The following QSOX1 variants were observed in gnomAD, a reference collection of about 807,000 sequenced individuals.
QSOX1 encodes the protein sulfhydryl oxidase 1.
A neutral mutation model predicts 76.1 loss-of-function variants in QSOX1; 40 were observed. The observed-to-expected ratio is 0.53, with a 90% confidence interval of 0.41 to 0.68. The LOEUF (loss-of-function observed/expected upper bound fraction) is 0.68, where lower values mean the gene tolerates loss of function less well. Among genes scored for constraint, QSOX1 ranks in the 30% least tolerant of loss-of-function variants. QSOX1 has a pLI of 0.00. For missense variants in QSOX1, 931 were observed against 974.3 expected, an observed-to-expected ratio of 0.96 and a Z score of 0.59; for synonymous variants, 392 against 413.1, an observed-to-expected ratio of 0.95 and a Z score of 0.62.
chr1:180,198,522 T>A lies in QSOX1; in HGVS notation c.*1485T>A. ...ATCCGATTTGGTTTTCTCTTTGACA[T>A]CTTCACTCTGCTCAGATGGCCTGGG... On this transcript the variant is annotated 3_prime_UTR_variant, in exon 12 of 12. Coordinates refer to ENST00000367602, the MANE Select transcript of QSOX1 (RefSeq NM_002826.5). 1 of 404,960 alleles carries A rather than the reference T, an allele frequency of 2.5e-6. No homozygotes were observed. The highest frequency in any genetic ancestry group is 1.8e-5 in the South Asian group (1 of 56,980). The allele number at this position is 404,960 out of a possible 1,614,324, so 25.1% of individuals were successfully genotyped here.
intron 8 of QSOX1, among the ~76,000 whole-genome samples, chr1:180,187,953 T>C (rs10798737): frequency 0.14 from 21,134 of 152,302 alleles, 1,632 homozygotes; most frequent in Middle Eastern, 0.22. Flanking sequence ...CTAGCAGCTA[T>C]CATTTCTTCA....
intron 1 of QSOX1, among the ~76,000 whole-genome samples, chr1:180,161,667 G>T (rs1352943756): frequency 6.6e-6 from 1 of 152,082 alleles, no homozygotes; most frequent in Non-Finnish European, 1.5e-5. Flanking sequence ...TAGCTTAAAA[G>T]AAAATAAGTT....
At position 180,197,206 on chromosome 1, in the gene QSOX1, A is replaced by G; in HGVS notation, c.*169A>G. 1 of 1,558,144 alleles carries G rather than the reference A, an allele frequency of 6.4e-7. No homozygotes were observed. Among genetic ancestry groups the G allele is most frequent in the Non-Finnish European group, 8.6e-7 (1 of 1,156,502 alleles). ...GCTTCTTGGGGTTGCTAGGACAGAG[A>G]GCTCCTTTGACACAAAAGACAGGAG... On this transcript the variant is annotated 3_prime_UTR_variant, in exon 12 of 12. Coordinates refer to ENST00000367602, the MANE Select transcript of QSOX1 (RefSeq NM_002826.5).
intron 8 of QSOX1, among the ~76,000 whole-genome samples, chr1:180,187,717 C>T (rs1032208443): frequency 6.6e-6 from 1 of 152,230 alleles, no homozygotes; most frequent in Admixed American, 6.5e-5. Context: ...TGGGAATGAG[C>T]TTGAGATGAA....
Position 180,196,212 on chromosome 1 carries a change from T to C in QSOX1, c.1469-50T>C. On this transcript the variant is annotated intron_variant, in intron 11 of 11. Coordinates refer to ENST00000367602, the MANE Select transcript of QSOX1 (RefSeq NM_002826.5). This position sits in a 1 kb window ranked among gnomAD's most constrained non-coding sequence, Gnocchi z 4.1. Reference sequence around the variant, plus strand: ...TGAGTGGAGGAGTGTGGTCTGGGTTTTTGGGTGGGACTGATGTCACCACCA... The same window carrying C: ...TGAGTGGAGGAGTGTGGTCTGGGTTCTTGGGTGGGACTGATGTCACCACCA... 2 of 1,554,400 alleles carry C rather than the reference T, an allele frequency of 1.3e-6. No individual in the cohort carries two copies. Among genetic ancestry groups the C allele is most frequent in the Non-Finnish European group, 1.7e-6 (2 of 1,145,592 alleles).
Position 180,165,489 on chromosome 1 carries a change from C to T in QSOX1, c.266-1002C>T, listed in dbSNP as rs538723083. On this transcript the variant is annotated intron_variant, in intron 1 of 11. Coordinates refer to ENST00000367602, the MANE Select transcript of QSOX1 (RefSeq NM_002826.5). ...CCTGGTTTCTGCCAGTCCTCTCCTC[C>T]TCCACCTTGCTCAGGCAGTTCCCTG... Among the ~76,000 whole-genome samples the T allele has an allele frequency of 2.0e-5, 3 of 152,394 alleles. No individual in the cohort carries two copies. In the East Asian group the frequency reaches 5.8e-4, roughly 29 times the overall value.
intron 8 of QSOX1, among the ~76,000 whole-genome samples, chr1:180,186,956 C>T (rs1031200875): frequency 6.6e-6 from 1 of 152,314 alleles, no homozygotes; most frequent in Middle Eastern, 3.4e-3. Flanking sequence ...TGCTGGAAAC[C>T]CTGGACTCTG....
rs1240014127 is a variant in QSOX1, at chr1:180,194,352, G to T, written c.1428G>T (p.Trp476Cys). 1 of 1,594,936 alleles carries T rather than the reference G, an allele frequency of 6.3e-7. No individual in the cohort carries two copies. The highest frequency in any genetic ancestry group is 8.6e-7 in the Non-Finnish European group (1 of 1,168,024). The part of the protein sequence containing the change: ...RVGSPNAAVL[W>C]LWSSHNRVNA... ...GGAGTCCCAACGCCGCTGTCCTCTG[G>T]CTCTGGTCTAGCCACAACAGGGTCA... The change falls in exon 11 of 12, where the codon TGG becomes TGT. Residue 476 changes from tryptophan (W) to cysteine (C), a missense_variant. By Grantham distance (215) the Trp-to-Cys change is radical. Transcript: ENST00000367602.
At chr1:180,174,851 A>G (rs571777024) in intron 2 of QSOX1, among the ~76,000 whole-genome samples, 23 of 152,100 alleles carry the variant, frequency 1.5e-4, no homozygotes, top group East Asian at 7.8e-4. Context: ...ACTCCCCCCA[A>G]TTCACCATTT....
Position 180,189,540 on chromosome 1 carries a change from T to A in QSOX1, c.1018-12T>A. The A allele has an allele frequency of 6.3e-7, 1 of 1,576,022 alleles. No individual in the cohort carries two copies. The highest frequency in any genetic ancestry group is 8.7e-7 in the Non-Finnish European group (1 of 1,155,010). Reference sequence around the variant, plus strand: ...TTTTCACTCTCCAGCTTCCGCTTGTTCCTCCCCACAGTATTTCCCTGGCCG... The same window carrying A: ...TTTTCACTCTCCAGCTTCCGCTTGTACCTCCCCACAGTATTTCCCTGGCCG... On this transcript the variant is annotated splice_polypyrimidine_tract_variant and intron_variant, in intron 8 of 11. Coordinates refer to ENST00000367602, the MANE Select transcript of QSOX1 (RefSeq NM_002826.5).
chr1:180,154,947 C>G lies in QSOX1; in HGVS notation c.40C>G (p.Leu14Val), dbSNP rs768705604. 5.6e-6 allele frequency: 8 copies of G among 1,433,614 alleles called. No homozygotes were observed. In the South Asian group the frequency reaches 9.6e-5, roughly 17 times the overall value. 88.8% of individuals were successfully genotyped at this position (1,433,614 alleles called of 1,614,324 possible). The stretch of plus-strand genomic sequence containing the variant: ...CAGCGGCTCCGGGCCGCCGCCGTCG[C>G]TGCTGCTGCTGCTGCTGTGGCTGCT... ...CNSGSGPPPS[L>V]LLLLLWLLAV... Residue 14 changes from leucine (L) to valine (V), a missense_variant, in exon 1 of 12, where the codon CTG becomes GTG. Leu to Val is a conservative substitution (Grantham distance 32, BLOSUM62 1). Transcript: ENST00000367602.
rs113457149 is a variant in QSOX1, at chr1:180,188,872, G to GCA, written c.1018-667_1018-666dup. Among the ~76,000 whole-genome samples the GCA allele has an allele frequency of 2.6e-5, 4 of 151,788 alleles. No individual in the cohort carries two copies. The East Asian group carries it at 5.8e-4, about 22-fold the overall frequency. On this transcript the variant is annotated intron_variant, in intron 8 of 11. Coordinates refer to ENST00000367602, the MANE Select transcript of QSOX1 (RefSeq NM_002826.5). ...CCTTGTGCTGTGCACGTGCACACACGCACACACACACACATACACACATAT... is the reference window on the plus strand; with the variant it reads ...CCTTGTGCTGTGCACGTGCACACACGCACACACACACACACATACACACATAT...
intron 5 of QSOX1, among the ~76,000 whole-genome samples, chr1:180,180,912 G>A (rs1663015975): frequency 6.6e-6 from 1 of 152,138 alleles, no homozygotes; most frequent in South Asian, 2.1e-4. Flanking sequence ...TCTCAGAACA[G>A]CCCCCCTGAA....
At chr1:180,189,836 C>T (rs377049365) in intron 9 of QSOX1, among the ~76,000 whole-genome samples, 162 bp downstream of exon 9, 1 of 152,194 alleles carries the variant, frequency 6.6e-6, no homozygotes, top group Non-Finnish European at 1.5e-5. Context: ...TGATTGAGCT[C>T]TCTATGCGCA....
At chr1:180,189,132 T>G (rs2149241263) in intron 8 of QSOX1, among the ~76,000 whole-genome samples, 1 of 152,230 alleles carries the variant, frequency 6.6e-6, no homozygotes, top group Middle Eastern at 3.4e-3. Flanking sequence ...GCAAGTCAGC[T>G]CTATCCGAGG....
intron 5 of QSOX1, among the ~76,000 whole-genome samples, chr1:180,180,672 A>G (rs928421941): frequency 1.1e-4 from 17 of 152,028 alleles, no homozygotes; most frequent in Admixed American, 2.6e-4. Flanking sequence ...CCGCCACCAC[A>G]CCAGGCTAAT....
Position 180,198,019 on chromosome 1 carries a change from A to T in QSOX1, c.*982A>T, listed in dbSNP as rs940136899. ...CCTTGGGAGGTGTGTGGAATAAATT[A>T]TTTTTGTTAAGGCAAGCATTGGTGT... On this transcript the variant is annotated 3_prime_UTR_variant, in exon 12 of 12. Transcript: ENST00000367602. The T allele has an allele frequency of 1.5e-4, 54 of 367,336 alleles. No individual in the cohort carries two copies. The highest frequency in any genetic ancestry group is 4.4e-5 in the Non-Finnish European group (8 of 180,984). 22.8% of individuals were successfully genotyped at this position (367,336 alleles called of 1,614,324 possible). A position where few individuals can be genotyped will look rare whatever the true frequency, so the allele number is the denominator to read the frequency against.
intron 2 of QSOX1, among the ~76,000 whole-genome samples, chr1:180,167,618 C>T (rs1053284881): frequency 2.6e-5 from 4 of 152,200 alleles, no homozygotes; most frequent in African/African-American, 9.7e-5. Context: ...CAGTGCAACC[C>T]CCACTGGATT....
At position 180,155,186 on chromosome 1, in the gene QSOX1, G is replaced by A; in HGVS notation, c.265+14G>A. The A allele has an allele frequency of 6.8e-7, 1 of 1,480,240 alleles. No individual in the cohort carries two copies. Among genetic ancestry groups the A allele is most frequent in the Non-Finnish European group, 8.9e-7 (1 of 1,118,374 alleles). The allele number at this position is 1,480,240 out of a possible 1,614,324, so 91.7% of individuals were successfully genotyped here. On this transcript the variant is annotated intron_variant, in intron 1 of 11. Coordinates refer to ENST00000367602, the MANE Select transcript of QSOX1 (RefSeq NM_002826.5). ...AAGACGTCAAAGGTGAGAAGCGGGG[G>A]CGGCCCGCTCCCCCGTGCCCCGCCG...
Sources: allele counts gnomAD v4.1 joint callset (sites outside exome capture counted in the v4.1 genomes callset), GRCh38; gene constraint gnomAD v4.1.1; non-coding constraint Gnocchi (gnomAD v3.1); transcripts MANE v1.5; gene names NCBI Gene and HGNC (gene_info 2026-07-23, HGNC 2026-07-21).